KCNIP4: variants seen among roughly 807,000 people sequenced by gnomAD.
KCNIP4 encodes the protein potassium voltage-gated channel interacting protein 4.
Under a neutral mutation model 34.0 loss-of-function variants are expected in KCNIP4, and 12 were observed. The observed-to-expected ratio is 0.35, with a 90% CI of 0.23 to 0.57. The LOEUF is 0.57. Among genes scored for constraint, KCNIP4 ranks in the 20% least tolerant of loss-of-function variants. KCNIP4 has a pLI of 0.83. For missense variants in KCNIP4, 238 were observed against 311.7 expected, an observed-to-expected ratio of 0.76 and a Z score of 1.78; for synonymous variants, 124 against 102.2, an observed-to-expected ratio of 1.21 and a Z score of -1.29.
intron 1 of KCNIP4, among the ~76,000 whole-genome samples, chr4:21,174,730 C>T (rs542441031): frequency 3.2e-4 from 48 of 151,592 alleles, no homozygotes; most frequent in Non-Finnish European, 5.7e-4. Flanking sequence ...CATGGTGAAA[C>T]CTCATTTCTA....
intron 1 of KCNIP4, among the ~76,000 whole-genome samples, chr4:21,068,407 T>G (rs1448849047): frequency 1.3e-5 from 2 of 152,188 alleles, no homozygotes; most frequent in African/African-American, 2.4e-5. Flanking sequence ...ATAATGAGCA[T>G]GAAATCCAAC....
intron 1 of KCNIP4, among the ~76,000 whole-genome samples, chr4:21,323,395 T>C (rs1261073764): frequency 6.6e-6 from 1 of 151,966 alleles, no homozygotes; most frequent in East Asian, 1.9e-4. Flanking sequence ...CTATTAACCA[T>C]CCCCATTCTC....
intron 1 of KCNIP4, among the ~76,000 whole-genome samples, chr4:21,737,869 G>C (rs1168177216): frequency 2.2e-4 from 33 of 152,030 alleles, no homozygotes; most frequent in Admixed American, 2.1e-3. Context: ...CAGATCATAA[G>C]GTCAGGAGAT....
chr4:20,937,694 A>G (rs1256617207), intron 1 of KCNIP4, among the ~76,000 whole-genome samples: 1 of 152,204 alleles, frequency 6.6e-6, no homozygotes, highest in African/African-American at 2.4e-5. Flanking sequence ...TTAAGACTTG[A>G]AAAAGTTTTC....
chr4:20,787,134 C>G (rs990398329), intron 3 of KCNIP4, among the ~76,000 whole-genome samples: 24 of 152,132 alleles, frequency 1.6e-4, no homozygotes, highest in Non-Finnish European at 3.4e-4. Context: ...GATGCATAGG[C>G]AGACAGTTTA....
At chr4:21,752,611 CAA>C (rs1717230090) in intron 1 of KCNIP4, among the ~76,000 whole-genome samples, 1 of 152,078 alleles carries the variant, frequency 6.6e-6, no homozygotes, top group South Asian at 2.1e-4. Flanking sequence ...GGATGGAAGA[CAA>C]AGAAAAATTC....
chr4:21,189,256 T>C (rs928315099), intron 1 of KCNIP4, among the ~76,000 whole-genome samples: 9 of 152,192 alleles, frequency 5.9e-5, no homozygotes, highest in South Asian at 2.1e-4. Context: ...GCCTTGACTA[T>C]TGAGTCTTTT....
intron 1 of KCNIP4, among the ~76,000 whole-genome samples, chr4:21,764,874 G>A (rs986403328): frequency 1.8e-4 from 27 of 152,190 alleles, no homozygotes; most frequent in Admixed American, 1.6e-3. Context: ...GCATTGAAGA[G>A]AGGTGTTTGA....
chr4:21,719,275 C>T (rs562578710), intron 1 of KCNIP4, among the ~76,000 whole-genome samples: 9 of 152,192 alleles, frequency 5.9e-5, no homozygotes, highest in Non-Finnish European at 1.3e-4. Flanking sequence ...GAAATGAACT[C>T]GTTTCATCTC....
intron 3 of KCNIP4, among the ~76,000 whole-genome samples, chr4:20,764,594 A>G (rs1202307549): frequency 6.6e-6 from 1 of 151,942 alleles, no homozygotes; most frequent in African/African-American, 2.4e-5. Flanking sequence ...CTTTCCAGAA[A>G]CGCTGCATCC....
chr4:21,141,981 C>G (rs1330933281), intron 1 of KCNIP4, among the ~76,000 whole-genome samples: 5 of 151,644 alleles, frequency 3.3e-5, no homozygotes, highest in Admixed American at 3.3e-4. Context: ...GAAACCCTGT[C>G]TCTACTAAAA....
chr4:21,607,406 C>G (rs139476355), intron 1 of KCNIP4, among the ~76,000 whole-genome samples: 3 of 152,030 alleles, frequency 2.0e-5, no homozygotes, highest in Non-Finnish European at 4.4e-5. Context: ...AAACATATGG[C>G]GAATGCCTAC....
chr4:20,737,640 G>C (rs1749963150), intron 5 of KCNIP4, among the ~76,000 whole-genome samples: 1 of 152,154 alleles, frequency 6.6e-6, no homozygotes, highest in South Asian at 2.1e-4. Context: ...TGAGGAGCCT[G>C]GTAGAAGAGG....
intron 1 of KCNIP4, among the ~76,000 whole-genome samples, chr4:21,084,921 G>A (rs894049889): frequency 6.7e-6 from 1 of 149,896 alleles, no homozygotes; most frequent in African/African-American, 2.5e-5. Flanking sequence ...CTGACTTCAT[G>A]TCATTCCACA....
intron 1 of KCNIP4, among the ~76,000 whole-genome samples, chr4:21,184,113 C>T (rs1342595868): frequency 5.9e-5 from 9 of 152,100 alleles, no homozygotes; most frequent in Admixed American, 5.9e-4. Context: ...TGAATCCCAT[C>T]TCTATCACTA....
At chr4:21,606,263 A>G (rs746204598) in intron 1 of KCNIP4, among the ~76,000 whole-genome samples, 20 of 152,146 alleles carry the variant, frequency 1.3e-4, no homozygotes, top group Non-Finnish European at 2.6e-4. Flanking sequence ...GGATAATAAC[A>G]TTGAGACTCG....
At chr4:21,644,337 C>T (rs1746853637) in intron 1 of KCNIP4, among the ~76,000 whole-genome samples, 1 of 152,114 alleles carries the variant, frequency 6.6e-6, no homozygotes, top group Non-Finnish European at 1.5e-5. Flanking sequence ...ATGTCCAACC[C>T]AAGCTATAGA....
At chr4:20,919,684 C>T (rs1577367261) in intron 1 of KCNIP4, among the ~76,000 whole-genome samples, 1 of 113,988 alleles carries the variant, frequency 8.8e-6, no homozygotes, top group Non-Finnish European at 1.6e-5. Flanking sequence ...GCCTGGGCAA[C>T]AGAGTGAGAC....
chr4:20,837,414 A>G (rs1719173594), intron 3 of KCNIP4, among the ~76,000 whole-genome samples: 1 of 152,020 alleles, frequency 6.6e-6, no homozygotes, highest in Non-Finnish European at 1.5e-5. Flanking sequence ...TGCCAGTTAC[A>G]CTTCTATTAA....
Sources: allele counts gnomAD v4.1 joint callset (sites outside exome capture counted in the v4.1 genomes callset), GRCh38; gene constraint gnomAD v4.1.1; transcripts MANE v1.5; gene names NCBI Gene and HGNC (gene_info 2026-07-23, HGNC 2026-07-21).